Variants in TMC8 observed in about 807,000 individuals in gnomAD.
TMC8 encodes transmembrane channel-like protein 8.
In TMC8, 71 loss-of-function variants were observed where a neutral mutation model predicts 76.0. The ratio of observed to expected loss-of-function variants is 0.93; its 90% confidence interval spans 0.77 to 1.14. The LOEUF is 1.14. Among genes scored for constraint, TMC8 ranks in the 50% most tolerant of loss-of-function variants. The pLI is 0.00. For synonymous variants in TMC8, 433 were observed against 433.8 expected (o/e 1.00, Z 0.02); for missense variants, 924 against 947.9 (o/e 0.97, Z 0.33).
chr17:78,137,704 C>A lies in TMC8; in HGVS notation c.1252-13C>A. 1 of 1,610,892 alleles carries A rather than the reference C, an allele frequency of 6.2e-7. No individual in the cohort carries two copies. The highest frequency in any genetic ancestry group is 8.5e-7 in the Non-Finnish European group (1 of 1,177,750). On this transcript the variant is annotated splice_polypyrimidine_tract_variant and intron_variant, in intron 10 of 15. Transcript: ENST00000318430. ...CCGTGAGTGGTGACGGGTCCCCTTC[C>A]CCTGCACCCCAGTGCTGGGAGAACT...
Position 78,133,432 on chromosome 17 carries a change from C to A in TMC8, c.558C>A (p.Tyr186Ter). 1 of 1,613,834 alleles carries A rather than the reference C, an allele frequency of 6.2e-7. No homozygotes were observed. Among genetic ancestry groups the A allele is most frequent in the South Asian group, 1.1e-5 (1 of 91,090 alleles). ...CCTTCACCAACACCTATCTCTTCTACGGTGCGTACCGAGTGGGGCCGGAGA... is the reference window on the plus strand; with the variant it reads ...CCTTCACCAACACCTATCTCTTCTAAGGTGCGTACCGAGTGGGGCCGGAGA... ...GRAFTNTYLF[Y>*]GAYRVGPESS... is the part of the protein sequence containing the mutation. Residue 186 changes from tyrosine (Y) to a stop codon, truncating the protein, a stop_gained, in exon 6 of 16, where the codon TAC (tyrosine) becomes TAA (stop). Transcript: ENST00000318430. LOFTEE classifies it high-confidence loss of function.
rs2075165625 is a variant in TMC8 at position 78,134,491 on chromosome 17, T to G, written c.914T>G (p.Leu305Arg). 6.2e-7 allele frequency: 1 copy of G among 1,613,950 alleles called. No individual in the cohort carries two copies. Among genetic ancestry groups the G allele is most frequent in the South Asian group, 1.1e-5 (1 of 91,092 alleles). The change falls in exon 8 of 16, where the codon CTC (leucine) becomes CGC (arginine). Residue 305 changes from leucine to arginine, a missense_variant. Leu to Arg is a moderately radical substitution (Grantham distance 102, BLOSUM62 -2). Transcript: ENST00000318430. ...RLLSYLRVNV[L>R]NGLLVVGAIS... Reference sequence around the variant, plus strand: ...CTCTCCTACCTGCGGGTCAACGTACTCAACGGGCTCCTGGTGGTTGGGGCC... The same window carrying G: ...CTCTCCTACCTGCGGGTCAACGTACGCAACGGGCTCCTGGTGGTTGGGGCC...
rs935160937 is a variant in TMC8 at position 78,137,357 on chromosome 17, A to G, written c.1250A>G (p.Gln417Arg). The G allele has an allele frequency of 6.2e-7, 1 of 1,613,786 alleles. No individual in the cohort carries two copies. The highest frequency in any genetic ancestry group is 1.3e-5 in the African/African-American group (1 of 74,928). The change falls in exon 10 of 16, where the codon CAG (glutamine) becomes CGG (arginine). Residue 417 changes from glutamine (Q) to arginine (R), a missense_variant and splice_region_variant. Physicochemically the swap from Gln to Arg is conservative, Grantham distance 43 (BLOSUM62 1). Transcript: ENST00000318430. ...TACGGCTACAACGTTTGTGACTATC[A>G]GGTGGCTGGCAGCCCGGCGGGGCCT... ...ESYGYNVCDYQCWENSVGEEL... is the reference protein window; with the variant it reads ...ESYGYNVCDYRCWENSVGEEL...
In TMC8 at chr17:78,137,239, G is replaced by A. The variant is rs764735652; in HGVS notation, c.1132G>A (p.Val378Met). The A allele has an allele frequency of 6.8e-6, 11 of 1,613,754 alleles. No individual in the cohort carries two copies. The highest frequency in any genetic ancestry group is 1.7e-5 in the Admixed American group (1 of 60,008). ...TGACAAGGTCCCTGCCCCCAGGTGCGTGGTGCTGAAGCTGGCCAGCTTGGG... is the reference window on the plus strand; with the variant it reads ...TGACAAGGTCCCTGCCCCCAGGTGCATGGTGCTGAAGCTGGCCAGCTTGGG... ...TEVNLTLIWC[V>M]VLKLASLGMF... is the part of the protein sequence containing the mutation. Residue 378 changes from valine (V) to methionine (M), a missense_variant, in exon 10 of 16, where the codon GTG (valine) becomes ATG (methionine). Physicochemically the swap from Val to Met is conservative, Grantham distance 21. Coordinates refer to ENST00000318430, the MANE Select transcript of TMC8 (RefSeq NM_152468.5).
chr17:78,140,686 A>T, intron 15 of TMC8, 148 bp from the exon 16 acceptor site: 1 of 1,102,274 alleles, frequency 9.1e-7, no homozygotes, highest in Non-Finnish European at 1.3e-6. Flanking sequence ...TGTGGCCTCG[A>T]GCGGGGCGTG....
In TMC8 at chr17:78,140,945, C is replaced by T. The variant is rs759494713; in HGVS notation, c.2014C>T (p.Gln672Ter). 4 of 1,594,510 alleles carry T rather than the reference C, an allele frequency of 2.5e-6. No individual in the cohort carries two copies. Among genetic ancestry groups the T allele is most frequent in the Admixed American group, 3.5e-5 (2 of 56,744 alleles). ...KYPASQASRP[Q>*]SFCPGCPCPG... The stretch of plus-strand genomic sequence containing the variant: ...CCCTGCCTCCCAAGCTTCGCGCCCG[C>T]AGTCCTTCTGCCCCGGATGCCCATG... The change falls in exon 16 of 16, where the codon CAG becomes TAG. Residue 672 changes from glutamine to a stop codon, truncating the protein, a stop_gained. Coordinates refer to ENST00000318430, the MANE Select transcript of TMC8 (RefSeq NM_152468.5). LOFTEE classifies it low-confidence loss of function (END_TRUNC).
intron 3 of TMC8, 96 bp downstream of exon 3, chr17:78,132,126 C>T: frequency 6.6e-7 from 1 of 1,517,074 alleles, no homozygotes; most frequent in Middle Eastern, 1.7e-4. Flanking sequence ...CCTGCCTTCA[C>T]CCGGGTCCCC....
At chr17:78,140,768 T>A (rs1323738146) in intron 15 of TMC8, 66 bp from the exon 16 acceptor site, 1 of 1,557,406 alleles carries the variant, frequency 6.4e-7, no homozygotes, top group African/African-American at 1.4e-5. Flanking sequence ...TTGCTGCCGC[T>A]GCTGTCCTCA....
Position 78,137,751 on chromosome 17 carries a change from A to G in TMC8, c.1286A>G (p.Lys429Arg), listed in dbSNP as rs2075271325. 1 of 1,613,642 alleles carries G rather than the reference A, an allele frequency of 6.2e-7. No individual in the cohort carries two copies. The highest frequency in any genetic ancestry group is 1.3e-5 in the African/African-American group (1 of 75,048). Residue 429 changes from lysine (K) to arginine (R), a missense_variant, in exon 11 of 16, where the codon AAG becomes AGG. Coordinates refer to ENST00000318430, the MANE Select transcript of TMC8 (RefSeq NM_152468.5). ...AACTCCGTGGGGGAGGAGCTGTACA[A>G]GCTGAGTATCTTCAACTTCCTCCTC... ...WENSVGEELYKLSIFNFLLTV... is the reference protein window; with the variant it reads ...WENSVGEELYRLSIFNFLLTV...
chr17:78,134,961 A>G lies in TMC8; in HGVS notation c.1079A>G (p.Gln360Arg). The G allele has an allele frequency of 6.2e-7, 1 of 1,614,098 alleles. No homozygotes were observed. Residue 360 changes from glutamine (Q) to arginine (R), a missense_variant, in exon 9 of 16, where the codon CAG becomes CGG. Gln to Arg is a conservative substitution (Grantham distance 43, BLOSUM62 1). Coordinates refer to ENST00000318430, the MANE Select transcript of TMC8 (RefSeq NM_152468.5). ...LGPLLFTFLV[Q>R]LENYPPNTEV... Reference sequence around the variant, plus strand: ...CCCCTGCTGTTCACATTTCTGGTCCAGCTGGAGAACTACCCTCCCAACACG... The same window carrying G: ...CCCCTGCTGTTCACATTTCTGGTCCGGCTGGAGAACTACCCTCCCAACACG...
rs1354985 is a variant in TMC8, at chr17:78,132,305, G to C, written c.299-54G>C. On this transcript the variant is annotated intron_variant, in intron 3 of 15. Coordinates refer to ENST00000318430, the MANE Select transcript of TMC8 (RefSeq NM_152468.5). ...GTGGGCCCGCCCTTGGACTCTCAGC[G>C]CGGCCCCAGCCCCGGCCCCGGCCTC... is the stretch of plus-strand genomic sequence containing the variant. 0.51 allele frequency: 819,998 copies of C among 1,602,148 alleles called. 216,514 individuals carry two copies. Among genetic ancestry groups the C allele is most frequent in the Middle Eastern group, 0.57 (3,312 of 5,838 alleles).
intron 10 of TMC8, 63 bp downstream of exon 10, chr17:78,137,421 C>T: frequency 6.2e-7 from 1 of 1,611,384 alleles, no homozygotes; most frequent in Non-Finnish European, 8.5e-7. Flanking sequence ...TCACCTCAAA[C>T]TGTGCAGAGC....
chr17:78,137,926 T>G, intron 11 of TMC8, 79 bp from the exon 12 acceptor site: 1 of 1,602,278 alleles, frequency 6.2e-7, no homozygotes, highest in Non-Finnish European at 8.5e-7. Flanking sequence ...CGGGAGTAAG[T>G]GGCAGGCTGT....
chr17:78,134,335 C>A (rs1169881614), intron 7 of TMC8, 59 bp from the exon 8 acceptor site: 8 of 1,585,304 alleles, frequency 5.0e-6, no homozygotes, highest in Non-Finnish European at 6.9e-6. Flanking sequence ...GTTTCCTGCA[C>A]CCTTTCCTCC....
In TMC8 at chr17:78,139,825, G is replaced by T. The variant is rs2075330038; in HGVS notation, c.1902+585G>T. On this transcript the variant is annotated intron_variant, in intron 15 of 15. Coordinates refer to ENST00000318430, the MANE Select transcript of TMC8 (RefSeq NM_152468.5). ...AGGTGAGTGGATTGCCTGAGGTCAG[G>T]GGTTCAAGACCAGCCTGGCCAACAT... 2.6e-5 allele frequency among the ~76,000 whole-genome samples: 4 copies of T among 151,930 alleles called. No homozygotes were observed. In the South Asian group the frequency reaches 8.3e-4, roughly 32 times the overall value.
At chr17:78,132,065 T>C in intron 3 of TMC8, 35 bp downstream of exon 3, 1 of 1,534,696 alleles carries the variant, frequency 6.5e-7, no homozygotes, top group Non-Finnish European at 8.7e-7. Flanking sequence ...CCCCTTGCCC[T>C]CTCTGGAGCC....
At chr17:78,132,147 G>A (rs1462204435) in intron 3 of TMC8, 117 bp downstream of exon 3, 5 of 1,477,880 alleles carry the variant, frequency 3.4e-6, no homozygotes, top group Non-Finnish European at 3.6e-6. Flanking sequence ...CGACCAATCG[G>A]CCCCTCCCCC....
chr17:78,138,300 G>A, intron 12 of TMC8, 49 bp from the exon 13 acceptor site: 1 of 1,611,140 alleles, frequency 6.2e-7, no homozygotes, highest in Non-Finnish European at 8.5e-7. Flanking sequence ...CAGCCCCCTG[G>A]GGTCTGCATA....
At chr17:78,139,410 G>A (rs372703913) in intron 15 of TMC8, among the ~76,000 whole-genome samples, 170 bp downstream of exon 15, 1 of 152,114 alleles carries the variant, frequency 6.6e-6, no homozygotes, top group Admixed American at 6.5e-5. Flanking sequence ...AGAACAGCTC[G>A]GGCTCCTGAG....
Sources: gnomAD v4.1 joint callset for allele counts (sites outside exome capture counted in the v4.1 genomes callset) on GRCh38, gnomAD v4.1.1 for gene constraint, MANE v1.5 for transcripts, NCBI Gene and HGNC (gene_info 2026-07-23, HGNC 2026-07-21) for gene names.